The following UBE4B variants were observed in gnomAD, a reference collection of about 807,000 sequenced individuals.
UBE4B encodes the protein ubiquitination factor E4B, also known as ubiquitin conjugation factor E4 B.
Under a neutral mutation model 148.1 loss-of-function variants are expected in UBE4B, and 27 were observed. The ratio of observed to expected loss-of-function variants is 0.18; its 90% confidence interval spans 0.13 to 0.25. The LOEUF is 0.25. Among genes scored for constraint, UBE4B ranks in the 10% least tolerant of loss-of-function variants. The probability of loss-of-function intolerance (pLI) is 1.00; values close to 1 mark genes in which losing one functional copy is unlikely to be tolerated. For synonymous variants in UBE4B, 596 were observed against 619.3 expected (o/e 0.96, Z 0.56); for missense variants, 1,170 against 1,662.4 (o/e 0.70, Z 5.15).
At chr1:10,117,712 T>A in intron 8 of UBE4B, 112 bp downstream of exon 8, 1 of 1,320,038 alleles carries the variant, frequency 7.6e-7, no homozygotes, top group Non-Finnish European at 1.0e-6. Flanking sequence ...TTATTGAGCA[T>A]TTGCCATGTG....
intron 21 of UBE4B, 72 bp from the exon 22 acceptor site, chr1:10,158,281 CATT>C (rs1370007668): frequency 6.4e-7 from 1 of 1,555,314 alleles, no homozygotes; most frequent in Non-Finnish European, 8.7e-7. Context: ...CACTCAGTAT[CATT>C]GTTGGGGCAA....
intron 2 of UBE4B, among the ~76,000 whole-genome samples, chr1:10,083,027 A>T (rs1447679581): frequency 4.6e-5 from 7 of 152,104 alleles, no homozygotes; most frequent in Non-Finnish European, 8.8e-5. Flanking sequence ...CATGGTGTAT[A>T]TGTACCACAC....
intron 1 of UBE4B, among the ~76,000 whole-genome samples, chr1:10,057,916 A>C (rs758222266): frequency 9.2e-5 from 14 of 152,130 alleles, no homozygotes; most frequent in Admixed American, 2.0e-4. Flanking sequence ...CATGGGAGGC[A>C]GTGGAGGGTA....
In UBE4B at chr1:10,168,181, G is replaced by C. The variant is rs1246619063; in HGVS notation, c.3244G>C (p.Val1082Leu). The C allele has an allele frequency of 5.0e-6, 8 of 1,614,164 alleles. No individual in the cohort carries two copies. The highest frequency in any genetic ancestry group is 5.9e-6 in the Non-Finnish European group (7 of 1,180,040). Residue 1082 changes from valine (V) to leucine (L), a missense_variant, in exon 24 of 28, where the codon GTG becomes CTG. Transcript: ENST00000343090. This position sits in a 1 kb window ranked among gnomAD's most constrained non-coding sequence, Gnocchi z 4.9. ...RQSQLAQDER[V>L]SRSYLALATE... Reference sequence around the variant, plus strand: ...GTCTCAGCTTGCTCAGGATGAGCGTGTGTCCCGCTCTTACCTCGCCCTGGC... The same window carrying C: ...GTCTCAGCTTGCTCAGGATGAGCGTCTGTCCCGCTCTTACCTCGCCCTGGC...
At chr1:10,178,973 C>T (rs1646466888) in intron 26 of UBE4B, 155 bp downstream of exon 26, 6 of 782,530 alleles carry the variant, frequency 7.7e-6, no homozygotes, top group Non-Finnish European at 1.1e-5. Context: ...CTATTTTTAG[C>T]TCATATTGTA....
chr1:10,077,289 T>C (rs1260160559), intron 2 of UBE4B, among the ~76,000 whole-genome samples: 3 of 152,168 alleles, frequency 2.0e-5, no homozygotes, highest in African/African-American at 4.8e-5. Context: ...ATAACTCCAG[T>C]CTTCACGTCC....
At chr1:10,154,494 G>A (rs1214567525) in intron 21 of UBE4B, among the ~76,000 whole-genome samples, 1 of 152,104 alleles carries the variant, frequency 6.6e-6, no homozygotes, top group Non-Finnish European at 1.5e-5. Flanking sequence ...ACGAATGTTT[G>A]TAAGTGATGT....
At chr1:10,138,101 A>ATTT (rs773852548) in intron 17 of UBE4B, among the ~76,000 whole-genome samples, 1 of 132,268 alleles carries the variant, frequency 7.6e-6, no homozygotes. Flanking sequence ...CGCCTGGCCA[A>ATTT]TTTTTTTTTT....
At chr1:10,083,930 T>C (rs1369296686) in intron 2 of UBE4B, among the ~76,000 whole-genome samples, 4 of 152,154 alleles carry the variant, frequency 2.6e-5, no homozygotes, top group Non-Finnish European at 5.9e-5. Flanking sequence ...GCTCATGATA[T>C]CTTGTTCTTG....
rs1010269478 is a variant in UBE4B at position 10,147,097 on chromosome 1, G to A, written c.2591+7G>A. ...TGGACCCCGCATATCCCGAGTGAGTGTGCTTCTTCCTGTTTCCCTTGTCCC... is the reference window on the plus strand; with the variant it reads ...TGGACCCCGCATATCCCGAGTGAGTATGCTTCTTCCTGTTTCCCTTGTCCC... On this transcript the variant is annotated splice_region_variant and intron_variant, in intron 19 of 27. Transcript: ENST00000343090. 2 of 1,613,974 alleles carry A rather than the reference G, an allele frequency of 1.2e-6. No individual in the cohort carries two copies. Among genetic ancestry groups the A allele is most frequent in the Admixed American group, 1.7e-5 (1 of 59,994 alleles).
chr1:10,049,091 C>T (rs767791672), intron 1 of UBE4B, among the ~76,000 whole-genome samples: 1 of 152,014 alleles, frequency 6.6e-6, no homozygotes, highest in Non-Finnish European at 1.5e-5. Context: ...AACATTGGAT[C>T]ATATTATAGT....
intron 12 of UBE4B, among the ~76,000 whole-genome samples, chr1:10,130,083 C>CT (rs959985188): frequency 5.3e-5 from 8 of 151,940 alleles, no homozygotes; most frequent in Middle Eastern, 3.4e-3. Flanking sequence ...CTTAAACATT[C>CT]TTTTTTTTGA....
chr1:10,078,417 CTTTTA>C (rs1644620820), intron 2 of UBE4B, among the ~76,000 whole-genome samples: 1 of 152,114 alleles, frequency 6.6e-6, no homozygotes, highest in African/African-American at 2.4e-5. Flanking sequence ...CCTTAAAGAG[CTTTTA>C]GCCTAGTTGG....
intron 24 of UBE4B, among the ~76,000 whole-genome samples, chr1:10,170,797 T>A (rs1237050242): frequency 6.6e-6 from 1 of 152,228 alleles, no homozygotes; most frequent in East Asian, 1.9e-4. Context: ...GTAAGATTTG[T>A]ATAATTTTCT....
chr1:10,073,922 T>C (rs957279637), intron 2 of UBE4B, among the ~76,000 whole-genome samples: 1 of 134,948 alleles, frequency 7.4e-6, no homozygotes, highest in African/African-American at 2.7e-5. Context: ...TTCTTTCTAT[T>C]TTTTTTTTTT....
intron 21 of UBE4B, among the ~76,000 whole-genome samples, chr1:10,151,828 C>T (rs1050875919): frequency 6.6e-6 from 1 of 151,992 alleles, no homozygotes; most frequent in Non-Finnish European, 1.5e-5. Flanking sequence ...CCCAGGGTAT[C>T]AAGAGCACAA....
chr1:10,112,434 C>T (rs891936923), intron 7 of UBE4B, among the ~76,000 whole-genome samples: 1 of 152,178 alleles, frequency 6.6e-6, no homozygotes, highest in African/African-American at 2.4e-5. Context: ...GAGTCTCGCT[C>T]TGTCTCCCGG....
intron 1 of UBE4B, among the ~76,000 whole-genome samples, chr1:10,051,705 G>A (rs1644048940): frequency 6.6e-6 from 1 of 152,158 alleles, no homozygotes; most frequent in Non-Finnish European, 1.5e-5. Flanking sequence ...TGTGCAGAAA[G>A]GGGACTCGAG....
rs74669740 is a variant in UBE4B at position 10,059,764 on chromosome 1, G to A, written c.25-12264G>A. ...ACAGTGACCACAGCTGTAGGCATCC[G>A]AAGTTGTTGAGCGTATCTGGAGGCT... is the stretch of plus-strand genomic sequence containing the variant. On this transcript the variant is annotated intron_variant, in intron 1 of 27. Coordinates refer to ENST00000343090, the MANE Select transcript of UBE4B (RefSeq NM_001105562.3). 1,168 of 152,500 alleles carry A rather than the reference G, an allele frequency of 7.7e-3. 4 individuals are homozygous for A. The highest frequency in any genetic ancestry group is 0.011 in the Non-Finnish European group (758 of 68,128). 9.4% of individuals were successfully genotyped at this position (152,500 alleles called of 1,614,324 possible). A position where few individuals can be genotyped will look rare whatever the true frequency, so the allele number is the denominator to read the frequency against.
Sources: gnomAD v4.1 joint callset for allele counts (sites outside exome capture counted in the v4.1 genomes callset) on GRCh38, gnomAD v4.1.1 for gene constraint, Gnocchi (gnomAD v3.1) non-coding constraint, MANE v1.5 for transcripts, NCBI Gene and HGNC (gene_info 2026-07-23, HGNC 2026-07-21) for gene names.